The following ARHGAP10 variants were observed in gnomAD, a reference collection of about 807,000 sequenced individuals.
The protein encoded by ARHGAP10 is Rho GTPase activating protein 10.
In ARHGAP10, 87 loss-of-function variants were observed where a neutral mutation model predicts 108.6. The ratio of observed to expected loss-of-function variants is 0.80; its 90% CI spans 0.67 to 0.96. The LOEUF (loss-of-function observed/expected upper bound fraction) is 0.96, where lower values mean the gene tolerates loss of function less well. Among genes scored for constraint, ARHGAP10 ranks in the 40% least tolerant of loss-of-function variants. The pLI, the probability that ARHGAP10 is intolerant of heterozygous loss-of-function variation, is 0.00. For synonymous variants in ARHGAP10, 347 were observed against 341.1 expected (o/e 1.02, Z -0.19); for missense variants, 939 against 954.5 (o/e 0.98, Z 0.21).
chr4:148,062,584 A>T (rs1223056737), intron 20 of ARHGAP10, among the ~76,000 whole-genome samples: 2 of 151,018 alleles, frequency 1.3e-5, no homozygotes, highest in African/African-American at 4.9e-5. Context: ...CATTAACTTT[A>T]AAAAAAAAGG....
intron 18 of ARHGAP10, among the ~76,000 whole-genome samples, chr4:147,994,411 A>G (rs1187713449): frequency 6.6e-6 from 1 of 152,220 alleles, no homozygotes; most frequent in African/African-American, 2.4e-5. Flanking sequence ...GTTTGTCGTC[A>G]TTATTACTTA....
At chr4:147,808,711 C>A (rs1418072408) in intron 1 of ARHGAP10, among the ~76,000 whole-genome samples, 1 of 151,962 alleles carries the variant, frequency 6.6e-6, no homozygotes, top group Non-Finnish European at 1.5e-5. Flanking sequence ...TGATTTCTTG[C>A]CAAAAATGAC....
chr4:147,997,987 C>G (rs1038305079), intron 18 of ARHGAP10, among the ~76,000 whole-genome samples: 1 of 151,918 alleles, frequency 6.6e-6, no homozygotes, highest in Non-Finnish European at 1.5e-5. Context: ...ACAAGCATAT[C>G]AAAACTGAAA....
At chr4:148,030,408 C>A (rs1165737692) in intron 19 of ARHGAP10, among the ~76,000 whole-genome samples, 1 of 152,148 alleles carries the variant, frequency 6.6e-6, no homozygotes, top group African/African-American at 2.4e-5. Context: ...TATTGTTTAT[C>A]CTGAATGAAA....
intron 17 of ARHGAP10, among the ~76,000 whole-genome samples, chr4:147,965,629 G>A (rs1739176587): frequency 6.6e-6 from 1 of 152,308 alleles, no homozygotes; most frequent in African/African-American, 2.4e-5. Context: ...GTGAAAGGAA[G>A]CTGAAGAACG....
At chr4:148,026,694 CTCA>C (rs1727872371) in intron 19 of ARHGAP10, among the ~76,000 whole-genome samples, 1 of 152,102 alleles carries the variant, frequency 6.6e-6, no homozygotes, top group South Asian at 2.1e-4. Flanking sequence ...TTGTGAGATT[CTCA>C]TCTTTTATTT....
intron 10 of ARHGAP10, among the ~76,000 whole-genome samples, chr4:147,888,536 T>A (rs1189272545): frequency 6.6e-6 from 1 of 152,234 alleles, no homozygotes; most frequent in Admixed American, 6.5e-5. Flanking sequence ...AAGTCATACA[T>A]GCTTATTTTA....
At chr4:147,986,039 G>C (rs115915583) in intron 18 of ARHGAP10, among the ~76,000 whole-genome samples, 14 of 152,074 alleles carry the variant, frequency 9.2e-5, no homozygotes, top group Non-Finnish European at 1.8e-4. Context: ...AAGCTCACAG[G>C]GTTTATCTTT....
intron 13 of ARHGAP10, among the ~76,000 whole-genome samples, chr4:147,926,038 AGGGTGCTTCCACCATGCTG>A (rs888473479): frequency 3.3e-5 from 5 of 152,146 alleles, no homozygotes; most frequent in African/African-American, 1.2e-4. Context: ...ATTGGAACAG[AGGGTGCTTCCACCATGCTG>A]GGGTGGTGTT....
chr4:147,907,433 AAAT>A (rs1197859012), intron 11 of ARHGAP10, among the ~76,000 whole-genome samples: 1 of 152,246 alleles, frequency 6.6e-6, no homozygotes, highest in African/African-American at 2.4e-5. Flanking sequence ...GTATGACTCT[AAAT>A]AAACTGCCAT....
chr4:147,933,590 A>G (rs116573959), intron 13 of ARHGAP10, among the ~76,000 whole-genome samples: 51 of 152,312 alleles, frequency 3.3e-4, no homozygotes, highest in African/African-American at 1.1e-3. Flanking sequence ...CAGGCTTGCC[A>G]CGAGTCTCTT....
At chr4:147,882,328 T>A (rs1302139071) in intron 10 of ARHGAP10, among the ~76,000 whole-genome samples, 1 of 152,024 alleles carries the variant, frequency 6.6e-6, no homozygotes, top group Non-Finnish European at 1.5e-5. Context: ...CCAGGCGTGG[T>A]GGCATACACC....
At chr4:147,844,262 G>A (rs938247282) in intron 3 of ARHGAP10, among the ~76,000 whole-genome samples, 2 of 152,040 alleles carry the variant, frequency 1.3e-5, no homozygotes, top group African/African-American at 4.8e-5. Flanking sequence ...TTTTGATAGA[G>A]GCGTGCAATG....
In ARHGAP10 at chr4:147,966,771, G is replaced by A. The variant is rs1739218726; in HGVS notation, c.1648G>A (p.Val550Ile). The change falls in exon 18 of 23, where the codon GTC becomes ATC. Residue 550 changes from valine (V) to isoleucine (I), a missense_variant. By Grantham distance (29) the Val-to-Ile change is conservative. Transcript: ENST00000336498. ...TCTGATGAGGCCACAGGAAGAAACT[G>A]TCGCTGCCCTCATGGACTTGAAGTT... Reference protein sequence around the residue: ...PTLMRPQEETVAALMDLKFQN... With the variant: ...PTLMRPQEETIAALMDLKFQN... The A allele has an allele frequency of 6.2e-7, 1 of 1,605,886 alleles. No homozygotes were observed. The highest frequency in any genetic ancestry group is 8.5e-7 in the Non-Finnish European group (1 of 1,174,284).
chr4:147,776,012 T>C (rs1730273764), intron 1 of ARHGAP10, among the ~76,000 whole-genome samples: 1 of 152,148 alleles, frequency 6.6e-6, no homozygotes, highest in Non-Finnish European at 1.5e-5. Flanking sequence ...AAATCCAGGC[T>C]CCGAAAAGTT....
chr4:147,909,818 C>T (rs754391548), intron 12 of ARHGAP10, 41 bp downstream of exon 12: 2 of 1,565,836 alleles, frequency 1.3e-6, no homozygotes, highest in East Asian at 4.5e-5. Flanking sequence ...CCTCCTTTTC[C>T]ATCTATTACT....
At chr4:147,842,289 G>A (rs1001640580) in intron 3 of ARHGAP10, among the ~76,000 whole-genome samples, 3 of 152,052 alleles carry the variant, frequency 2.0e-5, no homozygotes, top group Non-Finnish European at 4.4e-5. Context: ...GGGCTCAGAC[G>A]GATATTGCAT....
At chr4:147,761,972 A>G (rs1180035313) in intron 1 of ARHGAP10, among the ~76,000 whole-genome samples, 9 of 152,116 alleles carry the variant, frequency 5.9e-5, no homozygotes, top group Non-Finnish European at 7.4e-5. Context: ...CAGATCAGAA[A>G]CTGCCAGATT....
chr4:147,896,091 T>C (rs914602005), intron 10 of ARHGAP10, among the ~76,000 whole-genome samples: 1 of 152,222 alleles, frequency 6.6e-6, no homozygotes, highest in Non-Finnish European at 1.5e-5. Flanking sequence ...TACTAGCTTT[T>C]TGTACCTGCT....
Sources: gnomAD v4.1 joint callset for allele counts (sites outside exome capture counted in the v4.1 genomes callset) on GRCh38, gnomAD v4.1.1 for gene constraint, MANE v1.5 for transcripts, NCBI Gene and HGNC (gene_info 2026-07-23, HGNC 2026-07-21) for gene names.